HPSE2: variants seen among roughly 807,000 people sequenced by gnomAD.
HPSE2 encodes the protein inactive heparanase-2.
A neutral mutation model predicts 60.5 loss-of-function variants in HPSE2; 38 were observed. The ratio of observed to expected loss-of-function variants is 0.63; its 90% CI spans 0.48 to 0.82. The LOEUF (loss-of-function observed/expected upper bound fraction) is 0.82, where lower values mean the gene tolerates loss of function less well. HPSE2 is among the 40% of genes least tolerant of loss of function. HPSE2 has a pLI of 0.00. For missense variants in HPSE2, 713 were observed against 740.4 expected, an observed-to-expected ratio of 0.96 and a Z score of 0.43; for synonymous variants, 295 against 293.2, an observed-to-expected ratio of 1.01 and a Z score of -0.06.
At chr10:99,019,681 T>C (rs1348184560) in intron 3 of HPSE2, among the ~76,000 whole-genome samples, 2 of 151,974 alleles carry the variant, frequency 1.3e-5, no homozygotes, top group African/African-American at 4.8e-5. Context: ...GGCAGGTGTA[T>C]TCCTTTTCAA....
intron 9 of HPSE2, among the ~76,000 whole-genome samples, chr10:98,520,031 C>T (rs952744539): frequency 6.6e-6 from 1 of 152,176 alleles, no homozygotes; most frequent in African/African-American, 2.4e-5. Flanking sequence ...AAATACCCGT[C>T]AGAGAAAGAT....
intron 3 of HPSE2, among the ~76,000 whole-genome samples, chr10:98,954,536 A>G (rs2135206487): frequency 6.6e-6 from 1 of 152,312 alleles, no homozygotes; most frequent in African/African-American, 2.4e-5. Context: ...TTACTTTCAA[A>G]GTACTCTAAA....
intron 9 of HPSE2, among the ~76,000 whole-genome samples, chr10:98,533,468 G>T (rs1943190542): frequency 6.6e-6 from 1 of 152,154 alleles, no homozygotes; most frequent in South Asian, 2.1e-4. Flanking sequence ...TCTAATGGAT[G>T]CAAAAATTGG....
At chr10:98,881,987 C>T (rs1953037045) in intron 3 of HPSE2, among the ~76,000 whole-genome samples, 2 of 152,084 alleles carry the variant, frequency 1.3e-5, no homozygotes, top group South Asian at 4.1e-4. Flanking sequence ...TACTTCCCCT[C>T]CTCTGGACTT....
intron 3 of HPSE2, among the ~76,000 whole-genome samples, chr10:98,813,791 T>G (rs1951221940): frequency 6.6e-6 from 1 of 152,234 alleles, no homozygotes; most frequent in Admixed American, 6.5e-5. Context: ...GCACTCTTTC[T>G]TTCAATATGT....
intron 2 of HPSE2, among the ~76,000 whole-genome samples, chr10:99,145,808 G>A (rs879236151): frequency 6.6e-6 from 1 of 152,192 alleles, no homozygotes; most frequent in Admixed American, 6.5e-5. Context: ...GTGAAACACT[G>A]TTCTGGAGAA....
chr10:99,297,898 C>A, the HPSE2 span, among the ~76,000 whole-genome samples: 179 of 152,250 alleles, frequency 1.2e-3, 1 homozygote, highest in African/African-American at 3.9e-3. Flanking sequence ...TGGGTTATAG[C>A]CGCTCCCCCA....
At chr10:98,831,493 T>C (rs1951683245) in intron 3 of HPSE2, among the ~76,000 whole-genome samples, 1 of 152,208 alleles carries the variant, frequency 6.6e-6, no homozygotes, top group African/African-American at 2.4e-5. Context: ...AAACTTGGCT[T>C]ATACATCCAA....
At chr10:98,913,938 A>T (rs546909598) in intron 3 of HPSE2, among the ~76,000 whole-genome samples, 1 of 152,316 alleles carries the variant, frequency 6.6e-6, no homozygotes, top group Admixed American at 6.5e-5. Flanking sequence ...AAGCACTCAT[A>T]CGCTTTTTCT....
intron 2 of HPSE2, among the ~76,000 whole-genome samples, chr10:99,200,866 A>G (rs563041551): frequency 3.3e-4 from 50 of 152,292 alleles, no homozygotes; most frequent in Admixed American, 6.5e-4. Context: ...ATTTAGCTGT[A>G]TAAGAAGGTA....
chr10:98,941,778 C>G (rs1228731226), intron 3 of HPSE2, among the ~76,000 whole-genome samples: 2 of 136,986 alleles, frequency 1.5e-5, no homozygotes, highest in African/African-American at 6.2e-5. Context: ...CCAAGTCAAT[C>G]CTAAGCCAAA....
At chr10:99,035,778 G>A (rs1315385502) in intron 3 of HPSE2, among the ~76,000 whole-genome samples, 1 of 152,170 alleles carries the variant, frequency 6.6e-6, no homozygotes, top group African/African-American at 2.4e-5. Context: ...CATCATATAT[G>A]TAGTCCATCA....
intron 2 of HPSE2, among the ~76,000 whole-genome samples, chr10:99,205,734 C>G (rs934465981): frequency 6.6e-6 from 1 of 152,158 alleles, no homozygotes; most frequent in Non-Finnish European, 1.5e-5. Context: ...TAAACCATAA[C>G]TGCGTAAAAT....
At chr10:98,643,350 A>G (rs1048398404) in intron 6 of HPSE2, among the ~76,000 whole-genome samples, 5 of 152,232 alleles carry the variant, frequency 3.3e-5, no homozygotes, top group Non-Finnish European at 7.3e-5. Flanking sequence ...AACAACTTTT[A>G]GTTCTTCCTA....
chr10:98,937,027 A>G (rs1249875249), intron 3 of HPSE2, among the ~76,000 whole-genome samples: 4 of 141,840 alleles, frequency 2.8e-5, no homozygotes, highest in Non-Finnish European at 6.0e-5. Flanking sequence ...ACTTTTTGGA[A>G]AATTTTAAGT....
At chr10:99,137,571 G>A (rs1267176344) in intron 3 of HPSE2, among the ~76,000 whole-genome samples, 2 of 152,106 alleles carry the variant, frequency 1.3e-5, no homozygotes, top group Non-Finnish European at 2.9e-5. Flanking sequence ...AAAGAACAGA[G>A]GCCTCAGAAA....
chr10:98,468,020 C>G (rs1214956092), intron 11 of HPSE2, among the ~76,000 whole-genome samples: 1 of 152,232 alleles, frequency 6.6e-6, no homozygotes, highest in Non-Finnish European at 1.5e-5. Flanking sequence ...GGCCGCCAGT[C>G]GGGTCGGCCC....
At chr10:98,680,300 G>GT (rs939422222) in intron 6 of HPSE2, among the ~76,000 whole-genome samples, 9 of 151,628 alleles carry the variant, frequency 5.9e-5, no homozygotes, top group Admixed American at 2.6e-4. Flanking sequence ...TATAGACATA[G>GT]TTTTTTTTTC....
chr10:99,305,959 ACACGCGCG>A, the HPSE2 span, among the ~76,000 whole-genome samples: 762 of 29,628 alleles, frequency 0.026, 11 homozygotes, highest in Admixed American at 0.076. Flanking sequence ...AAACTCACAC[ACACGCGCG>A]CGCGCGCGCG....
Sources: gnomAD v4.1 joint callset for allele counts (sites outside exome capture counted in the v4.1 genomes callset) on GRCh38, gnomAD v4.1.1 for gene constraint, MANE v1.5 for transcripts, NCBI Gene and HGNC (gene_info 2026-07-23, HGNC 2026-07-21) for gene names.